The following CNTNAP2 variants were observed in gnomAD, a reference collection of about 807,000 sequenced individuals.
CNTNAP2 encodes contactin-associated protein-like 2.
A neutral mutation model predicts 155.2 loss-of-function variants in CNTNAP2; 98 were observed. The ratio of observed to expected loss-of-function variants is 0.63; its 90% CI spans 0.54 to 0.75. The LOEUF is 0.75. Ranked by LOEUF, CNTNAP2 falls within the 30% of genes least tolerant of loss-of-function variation. The pLI is 0.00. For synonymous variants in CNTNAP2, 651 were observed against 631.2 expected, an observed-to-expected ratio of 1.03 and a Z score of -0.47; for missense variants, 1,727 against 1,688.1, an observed-to-expected ratio of 1.02 and a Z score of -0.40.
chr7:147,268,677 T>A (rs189839262), intron 8 of CNTNAP2, among the ~76,000 whole-genome samples: 3 of 152,050 alleles, frequency 2.0e-5, no homozygotes, highest in Admixed American at 6.5e-5. Flanking sequence ...ATAAAAAAAA[T>A]AATGGAGATA....
intron 1 of CNTNAP2, among the ~76,000 whole-genome samples, chr7:146,239,193 CTA>C (rs1180863419): frequency 6.6e-6 from 1 of 151,868 alleles, no homozygotes; most frequent in Non-Finnish European, 1.5e-5. Flanking sequence ...ATTGTGTGTT[CTA>C]TTCTGTGGTG....
At chr7:147,586,774 A>T (rs1800635240) in intron 12 of CNTNAP2, among the ~76,000 whole-genome samples, 1 of 152,124 alleles carries the variant, frequency 6.6e-6, no homozygotes, top group Non-Finnish European at 1.5e-5. Context: ...TTCCACTTGG[A>T]AACCACATGC....
At chr7:148,132,985 A>G (rs1804864526) in intron 16 of CNTNAP2, among the ~76,000 whole-genome samples, 1 of 152,224 alleles carries the variant, frequency 6.6e-6, no homozygotes, top group Non-Finnish European at 1.5e-5. Context: ...AAACCATTAC[A>G]CCACAATTAT....
At chr7:148,136,048 GGGA>G (rs1804941653) in intron 16 of CNTNAP2, among the ~76,000 whole-genome samples, 1 of 79,262 alleles carries the variant, frequency 1.3e-5, no homozygotes, top group Non-Finnish European at 2.5e-5. Context: ...AGGGAGGGAG[GGGA>G]AGGGAAGGGA....
At chr7:146,888,873 G>A (rs1208276050) in intron 3 of CNTNAP2, among the ~76,000 whole-genome samples, 1 of 151,932 alleles carries the variant, frequency 6.6e-6, no homozygotes, top group African/African-American at 2.4e-5. Context: ...GGTCAAAGGG[G>A]GCAACATCTC....
intron 9 of CNTNAP2, among the ~76,000 whole-genome samples, chr7:147,352,974 C>A (rs138827659): frequency 0.016 from 2,374 of 151,634 alleles, 63 homozygotes; most frequent in African/African-American, 0.054. Context: ...AGACTGGGTT[C>A]TTTAAAGCCC....
At chr7:148,362,531 G>A (rs1798644986) in intron 21 of CNTNAP2, among the ~76,000 whole-genome samples, 1 of 152,198 alleles carries the variant, frequency 6.6e-6, no homozygotes, top group Non-Finnish European at 1.5e-5. Context: ...GTGGCGCTGA[G>A]GTGCTGAGGT....
chr7:148,015,153 A>G (rs78255676), intron 15 of CNTNAP2, among the ~76,000 whole-genome samples: 2,554 of 152,286 alleles, frequency 0.017, 20 homozygotes, highest in Middle Eastern at 0.027. Context: ...ATACCTGTCC[A>G]TAAGCATGAA....
At chr7:147,811,574 G>A (rs1798179901) in intron 13 of CNTNAP2, among the ~76,000 whole-genome samples, 1 of 152,102 alleles carries the variant, frequency 6.6e-6, no homozygotes, top group African/African-American at 2.4e-5. Flanking sequence ...GTGCCAAATT[G>A]AAAATTTTTA....
intron 3 of CNTNAP2, among the ~76,000 whole-genome samples, chr7:146,855,906 A>G (rs370991792): frequency 4.0e-5 from 6 of 149,870 alleles, no homozygotes; most frequent in African/African-American, 1.5e-4. Flanking sequence ...GGATCTAGAA[A>G]CAAAAATATT....
chr7:146,958,602 A>G (rs1262701955), intron 3 of CNTNAP2, among the ~76,000 whole-genome samples: 1 of 151,568 alleles, frequency 6.6e-6, no homozygotes, highest in African/African-American at 2.4e-5. Context: ...TTTAGTGGAG[A>G]CGGGGTTTCA....
In CNTNAP2 at chr7:146,226,980, T is replaced by A. The variant is rs11761213; in HGVS notation, c.97+110007T>A. Among the ~76,000 whole-genome samples the A allele has an allele frequency of 1.4e-4, 21 of 152,200 alleles. No individual in the cohort carries two copies. The East Asian group carries it at 3.1e-3, about 22-fold the overall frequency. On this transcript the variant is annotated intron_variant, in intron 1 of 23. Transcript: ENST00000361727. ...ATCCATTGACTCTCAAATATTCTTATGAGTTATTTATACTAAATGAATGAA... is the reference window on the plus strand; with the variant it reads ...ATCCATTGACTCTCAAATATTCTTAAGAGTTATTTATACTAAATGAATGAA...
intron 1 of CNTNAP2, among the ~76,000 whole-genome samples, chr7:146,410,367 T>C (rs537885811): frequency 1.3e-5 from 2 of 152,324 alleles, no homozygotes; most frequent in East Asian, 3.9e-4. Flanking sequence ...AAATATTTAC[T>C]ATCTTGCTAT....
At position 146,989,752 on chromosome 7, in the gene CNTNAP2, CA is replaced by C. The variant is rs1258383401; in HGVS notation, c.403-54154del. Among the ~76,000 whole-genome samples, 3 of 152,164 alleles carry C rather than the reference CA, an allele frequency of 2.0e-5. No homozygotes were observed. In the East Asian group the frequency reaches 5.8e-4, roughly 30 times the overall value. ...ATTTTTCAACCTCATGAAATGCTTC[CA>C]TGAGCCCATAATTAGCCCGTTTAGT... On this transcript the variant is annotated intron_variant, in intron 3 of 23. Coordinates refer to ENST00000361727, the MANE Select transcript of CNTNAP2 (RefSeq NM_014141.6).
chr7:148,154,018 C>G (rs1805355152), intron 17 of CNTNAP2, among the ~76,000 whole-genome samples: 1 of 152,244 alleles, frequency 6.6e-6, no homozygotes, highest in Non-Finnish European at 1.5e-5. Flanking sequence ...GGCTCCTTGA[C>G]AGAGGCTAGG....
intron 3 of CNTNAP2, among the ~76,000 whole-genome samples, chr7:146,988,681 C>T (rs1318145228): frequency 4.6e-5 from 7 of 152,152 alleles, no homozygotes; most frequent in Admixed American, 1.3e-4. Flanking sequence ...TGATATGTAT[C>T]TTCAGTTAGA....
intron 6 of CNTNAP2, among the ~76,000 whole-genome samples, chr7:147,127,609 A>G (rs1468609736): frequency 6.6e-6 from 1 of 152,158 alleles, no homozygotes; most frequent in Non-Finnish European, 1.5e-5. Flanking sequence ...AAAGCACCAC[A>G]GGCTCAAGTT....
chr7:148,272,538 T>C (rs1394337753), intron 21 of CNTNAP2, among the ~76,000 whole-genome samples: 3 of 152,140 alleles, frequency 2.0e-5, no homozygotes, highest in African/African-American at 7.2e-5. Context: ...TTTAATATGA[T>C]GGATTATAAA....
chr7:146,771,958 C>T (rs1404156684), intron 1 of CNTNAP2, among the ~76,000 whole-genome samples: 1 of 152,032 alleles, frequency 6.6e-6, no homozygotes, highest in Non-Finnish European at 1.5e-5. Context: ...AGTGTTGTGG[C>T]ATGTTATAAT....
Sources: gnomAD v4.1 joint callset for allele counts (sites outside exome capture counted in the v4.1 genomes callset) on GRCh38, gnomAD v4.1.1 for gene constraint, MANE v1.5 for transcripts, NCBI Gene and HGNC (gene_info 2026-07-23, HGNC 2026-07-21) for gene names.